Variants in CCDC13 observed in about 807,000 individuals in gnomAD.
CCDC13 encodes coiled-coil domain containing 13.
A neutral mutation model predicts 87.3 loss-of-function variants in CCDC13; 70 were observed. That is an observed-to-expected ratio of 0.80 (90% confidence interval 0.66 to 0.98). CCDC13 has a LOEUF of 0.98. CCDC13 is among the 50% of genes least tolerant of loss of function. CCDC13 has a pLI of 0.00. For missense variants in CCDC13, 842 were observed against 892.0 expected (o/e 0.94, Z 0.71); for synonymous variants, 317 against 360.3 (o/e 0.88, Z 1.36).
At position 42,730,522 on chromosome 3, in the gene CCDC13, C is replaced by A. The variant is rs761612324; in HGVS notation, c.1663G>T (p.Ala555Ser). The change falls in exon 13 of 16, where the codon GCT becomes TCT. Residue 555 changes from alanine to serine, a missense_variant. Ala to Ser is a moderately conservative substitution (Grantham distance 99). Transcript: ENST00000310232. ...QVSEIKALWQ[A>S]AEVERDRLTE... The stretch of plus-strand genomic sequence containing the variant: ...AGCCGGTCACGCTCCACCTCGGCAG[C>A]CTGCCAGAGGGCCTTGATCTCTGAC... The A allele has an allele frequency of 3.1e-5, 50 of 1,614,166 alleles. No individual in the cohort carries two copies. Among genetic ancestry groups the A allele is most frequent in the Non-Finnish European group, 4.2e-5 (49 of 1,180,020 alleles).
intron 3 of CCDC13, among the ~76,000 whole-genome samples, chr3:42,753,746 T>G (rs1050595517): frequency 6.6e-6 from 1 of 152,086 alleles, no homozygotes; most frequent in Non-Finnish European, 1.5e-5. Flanking sequence ...TGAAGAGTGC[T>G]CTCACCTAGG....
chr3:42,732,921 G>T lies in CCDC13; in HGVS notation c.1561C>A (p.Pro521Thr), dbSNP rs1157132821. ...GTCCTGTGGGGACTGGGCAGGGAAGGCCTCGTGAGAGCAGATTCCACCAGT... is the reference window on the plus strand; with the variant it reads ...GTCCTGTGGGGACTGGGCAGGGAAGTCCTCGTGAGAGCAGATTCCACCAGT... Reference protein sequence around the residue: ...HTLVESALTRPSLPSPHRTSP... With the variant: ...HTLVESALTRTSLPSPHRTSP... The change falls in exon 12 of 16, where the codon CCT becomes ACT. Residue 521 changes from proline to threonine, a missense_variant. By Grantham distance (38) the Pro-to-Thr change is conservative. Coordinates refer to ENST00000310232, the MANE Select transcript of CCDC13 (RefSeq NM_144719.4). 6.4e-7 allele frequency: 1 copy of T among 1,554,538 alleles called. No individual in the cohort carries two copies. Among genetic ancestry groups the T allele is most frequent in the Admixed American group, 1.9e-5 (1 of 51,436 alleles).
intron 1 of CCDC13, among the ~76,000 whole-genome samples, chr3:42,765,907 A>G (rs1274929043): frequency 6.6e-6 from 1 of 152,182 alleles, no homozygotes; most frequent in Non-Finnish European, 1.5e-5. Flanking sequence ...AGGAGCCTGG[A>G]CTTTATCCTG....
chr3:42,721,018 G>A (rs544487213), intron 13 of CCDC13, among the ~76,000 whole-genome samples: 1 of 152,174 alleles, frequency 6.6e-6, no homozygotes, highest in South Asian at 2.1e-4. Context: ...TGGCTTATCG[G>A]GTATAAAAAT....
At chr3:42,762,876 G>A (rs1048021284) in intron 1 of CCDC13, among the ~76,000 whole-genome samples, 1 of 152,192 alleles carries the variant, frequency 6.6e-6, no homozygotes, top group Non-Finnish European at 1.5e-5. Context: ...TTGAGCCCAG[G>A]AGGTTGAGAC....
intron 13 of CCDC13, 113 bp downstream of exon 13, chr3:42,730,354 C>G: frequency 6.9e-7 from 1 of 1,448,802 alleles, no homozygotes; most frequent in East Asian, 2.4e-5. Context: ...TGCCCTGGAC[C>G]AACACTGGGA....
chr3:42,731,365 C>T (rs1443782424), intron 12 of CCDC13, among the ~76,000 whole-genome samples: 1 of 151,948 alleles, frequency 6.6e-6, no homozygotes, highest in Admixed American at 6.6e-5. Flanking sequence ...CTTCCTCTCT[C>T]TTGGCCCCAG....
chr3:42,724,961 GATAC>G (rs1192620921), intron 13 of CCDC13, among the ~76,000 whole-genome samples: 5 of 151,082 alleles, frequency 3.3e-5, no homozygotes, highest in African/African-American at 9.7e-5. Context: ...CCATATATAT[GATAC>G]ATAAAGTGTT....
intron 1 of CCDC13, among the ~76,000 whole-genome samples, chr3:42,759,095 T>C (rs1003713798): frequency 3.3e-5 from 5 of 152,134 alleles, no homozygotes; most frequent in African/African-American, 1.2e-4. Context: ...CCAAGGTGAG[T>C]AGACTGCTTG....
intron 1 of CCDC13, among the ~76,000 whole-genome samples, chr3:42,759,633 C>T (rs1045536040): frequency 3.3e-5 from 5 of 152,044 alleles, no homozygotes; most frequent in African/African-American, 7.2e-5. Flanking sequence ...TAAGCTCATT[C>T]GTTTTTATTA....
intron 14 of CCDC13, among the ~76,000 whole-genome samples, chr3:42,711,258 A>AAAAAAAAAAAC: frequency 6.6e-6 from 1 of 151,228 alleles, no homozygotes; most frequent in Non-Finnish European, 1.5e-5. Flanking sequence ...AAAAAAAAAA[A>AAAAAAAAAAAC]AAAAAAAAGA....
chr3:42,750,456 GGTT>G (rs1206780033), intron 5 of CCDC13, among the ~76,000 whole-genome samples: 1 of 152,202 alleles, frequency 6.6e-6, no homozygotes, highest in African/African-American at 2.4e-5. Flanking sequence ...TTTTTTTGGT[GGTT>G]GTTGTAGTTG....
Position 42,709,147 on chromosome 3 carries a change from A to G in CCDC13, c.1989-8T>C. ...TCCACCTGGATGGCCAGCCTGGACC[A>G]CAGGAGACAGTGCTCAGTGTGGCTG... On this transcript the variant is annotated splice_polypyrimidine_tract_variant and splice_region_variant and intron_variant, in intron 15 of 15. Transcript: ENST00000310232. 6.2e-7 allele frequency: 1 copy of G among 1,607,250 alleles called. No homozygotes were observed. Among genetic ancestry groups the G allele is most frequent in the East Asian group, 2.2e-5 (1 of 44,744 alleles).
Position 42,743,027 on chromosome 3 carries a change from C to T in CCDC13, c.856G>A (p.Ala286Thr). ...GCTGTTCCCGCAGACTGGCTCCGGG[C>T]CTGGCCCAATTGCTTCTCAAGCTCT... Reference protein sequence around the residue: ...VQELEKQLGQARSQSAGTASD... With the variant: ...VQELEKQLGQTRSQSAGTASD... The change falls in exon 8 of 16, where the codon GCC becomes ACC. Residue 286 changes from alanine (A) to threonine (T), a missense_variant. Physicochemically the swap from Ala to Thr is moderately conservative, Grantham distance 58 (BLOSUM62 0). Coordinates refer to ENST00000310232, the MANE Select transcript of CCDC13 (RefSeq NM_144719.4). 1.9e-6 allele frequency: 3 copies of T among 1,614,120 alleles called. No homozygotes were observed. The highest frequency in any genetic ancestry group is 2.5e-6 in the Non-Finnish European group (3 of 1,180,010).
intron 12 of CCDC13, among the ~76,000 whole-genome samples, chr3:42,732,241 G>A (rs1000127617): frequency 2.6e-5 from 4 of 152,132 alleles, no homozygotes; most frequent in African/African-American, 4.8e-5. Context: ...CCCACTTTTC[G>A]GGGATAGCAG....
Position 42,758,037 on chromosome 3 carries a change from A to G in CCDC13, c.221+88T>C, listed in dbSNP as rs183122484. The G allele has an allele frequency of 2.0e-3, 2,255 of 1,135,348 alleles. 4 individuals are homozygous for G. The highest frequency in any genetic ancestry group is 2.5e-3 in the Non-Finnish European group (1,935 of 787,674). 70.3% of individuals were successfully genotyped at this position (1,135,348 alleles called of 1,614,324 possible). Reference sequence around the variant, plus strand: ...CCTTCTATCACTTTAGCTGCATTTTACAAGTTTTGCTATAGCTCCGGTGGT... The same window carrying G: ...CCTTCTATCACTTTAGCTGCATTTTGCAAGTTTTGCTATAGCTCCGGTGGT... On this transcript the variant is annotated intron_variant, in intron 2 of 15. Coordinates refer to ENST00000310232, the MANE Select transcript of CCDC13 (RefSeq NM_144719.4).
chr3:42,710,183 C>G (rs531695467), intron 14 of CCDC13, among the ~76,000 whole-genome samples: 3 of 149,930 alleles, frequency 2.0e-5, no homozygotes, highest in East Asian at 3.9e-4. Context: ...GATCTCAGCT[C>G]ACAGCAATCT....
chr3:42,720,279 G>T (rs1357438376), intron 13 of CCDC13, among the ~76,000 whole-genome samples: 1 of 152,152 alleles, frequency 6.6e-6, no homozygotes. Context: ...ATTTACGCAA[G>T]AAATGTTGTG....
At chr3:42,757,472 C>A (rs1392025989) in intron 2 of CCDC13, among the ~76,000 whole-genome samples, 3 of 152,226 alleles carry the variant, frequency 2.0e-5, no homozygotes, top group Non-Finnish European at 4.4e-5. Flanking sequence ...GTGGCTCATG[C>A]CTCTAATCCC....
Sources: gnomAD v4.1 joint callset for allele counts (sites outside exome capture counted in the v4.1 genomes callset) on GRCh38, gnomAD v4.1.1 for gene constraint, MANE v1.5 for transcripts, NCBI Gene and HGNC (gene_info 2026-07-23, HGNC 2026-07-21) for gene names.